The following CHST9 variants were observed in gnomAD, a reference collection of about 807,000 sequenced individuals.
CHST9 encodes the protein carbohydrate sulfotransferase 9.
In CHST9, 41 loss-of-function variants were observed where a neutral mutation model predicts 44.4. The ratio of observed to expected loss-of-function variants is 0.92; its 90% CI spans 0.72 to 1.20. The LOEUF is 1.20. Among genes scored for constraint, CHST9 ranks in the 50% most tolerant of loss-of-function variants. The pLI is 0.00. For missense variants in CHST9, 504 were observed against 516.5 expected (o/e 0.98, Z 0.23); for synonymous variants, 171 against 178.4 (o/e 0.96, Z 0.33).
At chr18:26,973,330 G>A (rs2056576615) in intron 4 of CHST9, among the ~76,000 whole-genome samples, 1 of 152,166 alleles carries the variant, frequency 6.6e-6, no homozygotes, top group Non-Finnish European at 1.5e-5. Context: ...GGCAGAATTA[G>A]GCACACAACA....
chr18:26,970,424 CTAT>C (rs994833893), intron 4 of CHST9, among the ~76,000 whole-genome samples: 1 of 151,940 alleles, frequency 6.6e-6, no homozygotes, highest in East Asian at 1.9e-4. Flanking sequence ...GAGGTACGTA[CTAT>C]TATTATTATT....
intron 5 of CHST9, among the ~76,000 whole-genome samples, chr18:26,923,818 A>T (rs1475604719): frequency 6.6e-6 from 1 of 152,234 alleles, no homozygotes; most frequent in African/African-American, 2.4e-5. Flanking sequence ...CAAAGAAAAA[A>T]GTGCTTAATT....
chr18:27,119,083 G>A (rs1278330672), intron 2 of CHST9, among the ~76,000 whole-genome samples: 1 of 152,072 alleles, frequency 6.6e-6, no homozygotes, highest in Non-Finnish European at 1.5e-5. Flanking sequence ...TCTTTGAAAA[G>A]ATCATAGGCT....
intron 4 of CHST9, among the ~76,000 whole-genome samples, chr18:26,950,421 T>C (rs1046129614): frequency 3.9e-5 from 6 of 152,146 alleles, no homozygotes; most frequent in Non-Finnish European, 5.9e-5. Context: ...CATATGAACA[T>C]GCAGGTTTTT....
At chr18:27,046,530 G>A (rs1174365396) in intron 3 of CHST9, among the ~76,000 whole-genome samples, 1 of 151,734 alleles carries the variant, frequency 6.6e-6, no homozygotes, top group Non-Finnish European at 1.5e-5. Flanking sequence ...AGAACCTGAG[G>A]AAAATGAACT....
Position 26,908,436 on chromosome 18 carries a change from G to C in CHST9, c.*7823C>G, listed in dbSNP as rs1052773366. The C allele has an allele frequency of 2.0e-5, 3 of 151,482 alleles. No individual in the cohort carries two copies. Among genetic ancestry groups the C allele is most frequent in the African/African-American group, 7.3e-5 (3 of 41,270 alleles). 9.4% of individuals were successfully genotyped at this position (151,482 alleles called of 1,614,324 possible). ...CTGTCTCAAAAAAAAAAATAGGTAA[G>C]ATGGGGAGGGATAGGAAAATATTCA... On this transcript the variant is annotated 3_prime_UTR_variant, in exon 6 of 6. Coordinates refer to ENST00000618847, the MANE Select transcript of CHST9 (RefSeq NM_031422.6).
At chr18:26,980,523 T>C (rs940836359) in intron 4 of CHST9, among the ~76,000 whole-genome samples, 5 of 152,196 alleles carry the variant, frequency 3.3e-5, no homozygotes. Context: ...TGTTCGATTA[T>C]TCAACAGTTC....
At chr18:27,030,956 A>T (rs770725404) in intron 3 of CHST9, among the ~76,000 whole-genome samples, 1 of 152,144 alleles carries the variant, frequency 6.6e-6, no homozygotes, top group Non-Finnish European at 1.5e-5. Context: ...ATTATCATGC[A>T]ATCATCAAGA....
intron 5 of CHST9, among the ~76,000 whole-genome samples, chr18:26,931,464 C>T (rs193031777): frequency 8.5e-5 from 13 of 152,298 alleles, no homozygotes; most frequent in African/African-American, 3.1e-4. Flanking sequence ...ATTTGGGTAC[C>T]ATTCATCTGT....
At chr18:27,020,415 C>A (rs2057210608) in intron 4 of CHST9, among the ~76,000 whole-genome samples, 1 of 152,224 alleles carries the variant, frequency 6.6e-6, no homozygotes, top group Non-Finnish European at 1.5e-5. Flanking sequence ...GAAGAGTGGG[C>A]TTTGGGAGCC....
chr18:27,120,742 G>T (rs926411719), intron 2 of CHST9, among the ~76,000 whole-genome samples: 23 of 152,162 alleles, frequency 1.5e-4, no homozygotes, highest in African/African-American at 5.5e-4. Flanking sequence ...TCACAGAGTT[G>T]TTGTCAGTAT....
rs1305712872 is a variant in CHST9, at chr18:26,910,917, C to T, written c.*5342G>A. On this transcript the variant is annotated 3_prime_UTR_variant, in exon 6 of 6. Coordinates refer to ENST00000618847, the MANE Select transcript of CHST9 (RefSeq NM_031422.6). ...CTGAGTAGATCCTCAGTAAATGGCT[C>T]TTATGTTGACCAGAATCATGCATTT... 6.6e-6 allele frequency: 1 copy of T among 152,140 alleles called. No homozygotes were observed. The highest frequency in any genetic ancestry group is 1.5e-5 in the Non-Finnish European group (1 of 68,034). The allele number at this position is 152,140 out of a possible 1,614,324, so 9.4% of individuals were successfully genotyped here.
intron 5 of CHST9, among the ~76,000 whole-genome samples, chr18:26,937,186 A>G (rs1330778227): frequency 9.2e-5 from 14 of 152,114 alleles, no homozygotes; most frequent in Admixed American, 9.2e-4. Flanking sequence ...TGAGTTTTTA[A>G]TCTCTTTTCA....
chr18:26,949,109 G>A (rs746783044), intron 4 of CHST9, among the ~76,000 whole-genome samples: 14 of 152,096 alleles, frequency 9.2e-5, no homozygotes, highest in Non-Finnish European at 1.9e-4. Context: ...GTGTGGAGAC[G>A]GGTTGAAGGG....
chr18:27,012,216 T>A (rs1261710630), intron 4 of CHST9, among the ~76,000 whole-genome samples: 1 of 152,132 alleles, frequency 6.6e-6, no homozygotes, highest in Non-Finnish European at 1.5e-5. Context: ...CCCTGTGCCA[T>A]CAAAAATCTG....
At chr18:27,036,101 C>A (rs2143512999) in intron 3 of CHST9, among the ~76,000 whole-genome samples, 1 of 152,174 alleles carries the variant, frequency 6.6e-6, no homozygotes, top group Non-Finnish European at 1.5e-5. Flanking sequence ...AAAGTACACA[C>A]CCTTTTTCCG....
intron 1 of CHST9, among the ~76,000 whole-genome samples, chr18:27,177,453 A>G (rs2058877254): frequency 1.3e-5 from 2 of 151,926 alleles, no homozygotes; most frequent in South Asian, 4.1e-4. Context: ...GAAAAGAAAA[A>G]AAAAAGAAAG....
chr18:27,117,570 G>A (rs957863782), intron 2 of CHST9, among the ~76,000 whole-genome samples: 1 of 151,962 alleles, frequency 6.6e-6, no homozygotes, highest in African/African-American at 2.4e-5. Context: ...CCCTAACCCT[G>A]GCAACCACTG....
chr18:27,111,173 A>T (rs1193398452), intron 2 of CHST9, among the ~76,000 whole-genome samples: 1 of 152,220 alleles, frequency 6.6e-6, no homozygotes. Flanking sequence ...TTTGATGTGA[A>T]TGAACCCAGG....
Sources: allele counts gnomAD v4.1 joint callset (sites outside exome capture counted in the v4.1 genomes callset), GRCh38; gene constraint gnomAD v4.1.1; transcripts MANE v1.5; gene names NCBI Gene and HGNC (gene_info 2026-07-23, HGNC 2026-07-21).